ASAP2: variants seen among roughly 807,000 people sequenced by gnomAD.
ASAP2 encodes the protein arf-GAP with SH3 domain, ANK repeat and PH domain-containing protein 2.
Under a neutral mutation model 131.4 loss-of-function variants are expected in ASAP2, and 45 were observed. That is an observed-to-expected ratio of 0.34 (90% CI 0.27 to 0.44). The LOEUF (loss-of-function observed/expected upper bound fraction) is 0.44. Among genes scored for constraint, ASAP2 ranks in the 20% least tolerant of loss-of-function variants. The pLI is 1.00. For missense variants in ASAP2, 1,011 were observed against 1,297.0 expected, an observed-to-expected ratio of 0.78 and a Z score of 3.39; for synonymous variants, 510 against 503.0, an observed-to-expected ratio of 1.01 and a Z score of -0.19.
chr2:9,315,660 AC>A (rs2148478480), intron 3 of ASAP2, among the ~76,000 whole-genome samples: 1 of 152,276 alleles, frequency 6.6e-6, no homozygotes, highest in Non-Finnish European at 1.5e-5. Flanking sequence ...GGCTGCCAGG[AC>A]TGTCAATGAC....
chr2:9,295,180 T>G (rs1668076474), intron 2 of ASAP2, among the ~76,000 whole-genome samples: 1 of 152,218 alleles, frequency 6.6e-6, no homozygotes, highest in African/African-American at 2.4e-5. Flanking sequence ...CAAGGTAAAC[T>G]TTTTAACGAT....
In ASAP2 at chr2:9,388,518, C is replaced by A. The variant is rs773377658; in HGVS notation, c.2355C>A (p.Pro785=). ...QPAAPSTTSA[P]PLPPRNVGKV... ...CAGCCCCCAGCACCACCAGCGCCCCCCCGCTTCCTCCACGGAATGTTGGCA... is the reference window on the plus strand; with the variant it reads ...CAGCCCCCAGCACCACCAGCGCCCCACCGCTTCCTCCACGGAATGTTGGCA... The change falls in exon 22 of 28, where the codon CCC becomes CCA. Residue 785 remains proline, a synonymous_variant. Transcript: ENST00000281419. 8 of 1,613,464 alleles carry A rather than the reference C, an allele frequency of 5.0e-6. No individual in the cohort carries two copies. Among genetic ancestry groups the A allele is most frequent in the South Asian group, 2.2e-5 (2 of 90,928 alleles).
At chr2:9,324,332 G>A (rs1482178631) in intron 6 of ASAP2, among the ~76,000 whole-genome samples, 1 of 152,248 alleles carries the variant, frequency 6.6e-6, no homozygotes, top group Non-Finnish European at 1.5e-5. Context: ...CAGGGTGGCA[G>A]TTGAAAGTTA....
At chr2:9,288,589 T>C (rs1408248705) in intron 2 of ASAP2, among the ~76,000 whole-genome samples, 1 of 152,184 alleles carries the variant, frequency 6.6e-6, no homozygotes, top group African/African-American at 2.4e-5. Flanking sequence ...GCACATTCTG[T>C]AATGTAGCGA....
rs548853891 is a variant in ASAP2 at position 9,259,961 on chromosome 2, T to G, written c.127-19356T>G. On this transcript the variant is annotated intron_variant, in intron 1 of 27. Transcript: ENST00000281419. ...AAATTGGGAATGGCTGTCCAGTGTC[T>G]GCGCATCGCCCCCTCCCCTATCTGG... 2.0e-5 allele frequency among the ~76,000 whole-genome samples: 3 copies of G among 152,274 alleles called. No homozygotes were observed. In the East Asian group the frequency reaches 5.8e-4, roughly 29 times the overall value.
chr2:9,388,480 C>T lies in ASAP2; in HGVS notation c.2317C>T (p.Pro773Ser), dbSNP rs1295546667. Residue 773 changes from proline (P) to serine (S), a missense_variant, in exon 22 of 28, where the codon CCC becomes TCC. Transcript: ENST00000281419. ...AGCCCTCCTGAGTGGCAGCCCACCT[C>T]CCGCCCAGCCTGCAGCCCCCAGCAC... The part of the protein sequence containing the change: ...YGALLSGSPP[P>S]AQPAAPSTTS... The T allele has an allele frequency of 3.7e-6, 6 of 1,613,960 alleles. No homozygotes were observed. The highest frequency in any genetic ancestry group is 2.2e-5 in the South Asian group (2 of 91,056).
chr2:9,374,603 C>T (rs1224497832), intron 16 of ASAP2, 152 bp from the exon 17 acceptor site: 2 of 687,168 alleles, frequency 2.9e-6, no homozygotes, highest in Non-Finnish European at 4.7e-6. Flanking sequence ...GCCGTAGAAC[C>T]ACATGGCGGC....
At chr2:9,212,266 A>T (rs1038190238) in intron 1 of ASAP2, among the ~76,000 whole-genome samples, 4 of 152,158 alleles carry the variant, frequency 2.6e-5, no homozygotes, top group African/African-American at 9.7e-5. Context: ...TAAACAAATC[A>T]GTGCAGTAAA....
intron 3 of ASAP2, among the ~76,000 whole-genome samples, chr2:9,316,949 A>C (rs1669715880): frequency 1.4e-5 from 1 of 73,032 alleles, no homozygotes; most frequent in African/African-American, 5.8e-5. Flanking sequence ...CCTCACTCTC[A>C]CACCCTCCCA....
At chr2:9,399,706 G>T in intron 24 of ASAP2, 1 of 414,970 alleles carries the variant, frequency 2.4e-6, no homozygotes, top group Middle Eastern at 7.1e-4. Context: ...AGGCAGGGAA[G>T]GGGCTGAGCA....
intron 14 of ASAP2, among the ~76,000 whole-genome samples, chr2:9,358,531 G>T (rs1672862812): frequency 6.6e-6 from 1 of 152,312 alleles, no homozygotes; most frequent in African/African-American, 2.4e-5. Flanking sequence ...TGAATGGAAG[G>T]ATGGGGAGAT....
At chr2:9,386,863 T>A (rs551013868) in intron 21 of ASAP2, among the ~76,000 whole-genome samples, 2 of 152,330 alleles carry the variant, frequency 1.3e-5, no homozygotes, top group African/African-American at 4.8e-5. Context: ...GAAATAGAAG[T>A]TAGGTCTAAG....
chr2:9,399,413 A>G (rs1676437531), intron 24 of ASAP2: 1 of 153,864 alleles, frequency 6.5e-6, no homozygotes, highest in Non-Finnish European at 1.4e-5. Flanking sequence ...TCCAGAACCC[A>G]TTTATCCAGG....
intron 15 of ASAP2, among the ~76,000 whole-genome samples, chr2:9,359,270 G>A (rs1672931811): frequency 6.6e-6 from 1 of 152,228 alleles, no homozygotes; most frequent in Non-Finnish European, 1.5e-5. Flanking sequence ...TTTCTGACAA[G>A]GCTGTGGTGA....
Position 9,393,501 on chromosome 2 carries a change from G to T in ASAP2, c.2538G>T (p.Pro846=). Residue 846 remains proline, a synonymous_variant, in exon 24 of 28, where the codon CCG becomes CCT. Coordinates refer to ENST00000281419, the MANE Select transcript of ASAP2 (RefSeq NM_003887.3). ...CCGCAGATCCCCTGACCCCCACGCC[G>T]CCCCCACCCGTTGCCAAGACGCCCA... ...VTSTNPLTPT[P]PPPVAKTPSV... is the part of the protein sequence containing the mutation. 6.3e-7 allele frequency: 1 copy of T among 1,591,224 alleles called. No individual in the cohort carries two copies.
chr2:9,385,450 T>C, intron 21 of ASAP2, 92 bp downstream of exon 21: 1 of 1,004,430 alleles, frequency 1.0e-6, no homozygotes, highest in Admixed American at 2.1e-5. Flanking sequence ...GAAAGCTGTT[T>C]TATAGAAATG....
chr2:9,365,473 C>T lies in ASAP2; in HGVS notation c.1462-2952C>T, dbSNP rs756594531. Reference sequence around the variant, plus strand: ...TCCTCATGGAGACATGAAAACAGGACAGGAGGTTTCCCTGCCCCACCCCAA... The same window carrying T: ...TCCTCATGGAGACATGAAAACAGGATAGGAGGTTTCCCTGCCCCACCCCAA... On this transcript the variant is annotated intron_variant, in intron 15 of 27. Transcript: ENST00000281419. Among the ~76,000 whole-genome samples the T allele has an allele frequency of 2.0e-5, 3 of 152,222 alleles. No homozygotes were observed. The East Asian group carries it at 5.8e-4, about 29-fold the overall frequency.
chr2:9,342,766 G>A (rs925720024), intron 9 of ASAP2, among the ~76,000 whole-genome samples: 15 of 152,168 alleles, frequency 9.9e-5, no homozygotes, highest in East Asian at 1.9e-4. Flanking sequence ...ACTCCAGCCC[G>A]TCTTGTCCAC....
intron 21 of ASAP2, 93 bp downstream of exon 21, chr2:9,385,451 T>C: frequency 1.0e-6 from 1 of 995,142 alleles, no homozygotes; most frequent in Non-Finnish European, 1.6e-6. Context: ...AAAGCTGTTT[T>C]ATAGAAATGA....
Sources: allele counts gnomAD v4.1 joint callset (sites outside exome capture counted in the v4.1 genomes callset), GRCh38; gene constraint gnomAD v4.1.1; transcripts MANE v1.5; gene names NCBI Gene and HGNC (gene_info 2026-07-23, HGNC 2026-07-21).